ZNF385D: variants seen among roughly 807,000 people sequenced by gnomAD.
ZNF385D encodes the protein zinc finger protein 659.
In ZNF385D, 15 loss-of-function variants were observed where a neutral mutation model predicts 35.8. The observed-to-expected ratio is 0.42, with a 90% CI of 0.28 to 0.64. The LOEUF is 0.64. ZNF385D is among the 30% of genes least tolerant of loss of function. The probability of loss-of-function intolerance (pLI) is 0.23; values close to 1 mark genes in which losing one functional copy is unlikely to be tolerated. For missense variants in ZNF385D, 474 were observed against 494.6 expected, an observed-to-expected ratio of 0.96 and a Z score of 0.39; for synonymous variants, 212 against 186.8, an observed-to-expected ratio of 1.13 and a Z score of -1.10.
intron 5 of ZNF385D, among the ~76,000 whole-genome samples, chr3:21,430,159 G>T (rs1038432200): frequency 4.0e-5 from 6 of 151,702 alleles, no homozygotes; most frequent in Non-Finnish European, 8.8e-5. Context: ...AGAAAACTTT[G>T]GTTTACATTA....
At chr3:22,285,172 G>A (rs1701961483) in intron 2 of ZNF385D, among the ~76,000 whole-genome samples, 1 of 152,114 alleles carries the variant, frequency 6.6e-6, no homozygotes, top group Non-Finnish European at 1.5e-5. Flanking sequence ...AGCAAAATTA[G>A]TATTCTTAGA....
At chr3:21,654,216 T>G (rs1174576021) in intron 2 of ZNF385D, among the ~76,000 whole-genome samples, 1 of 152,082 alleles carries the variant, frequency 6.6e-6, no homozygotes, top group Non-Finnish European at 1.5e-5. Context: ...GTCCTTGAAA[T>G]AAATTTCATT....
At chr3:21,524,051 G>T (rs1168397664) in intron 3 of ZNF385D, among the ~76,000 whole-genome samples, 1 of 152,188 alleles carries the variant, frequency 6.6e-6, no homozygotes, top group African/African-American at 2.4e-5. Context: ...TGCCTTGCAG[G>T]TTTCTGCCTC....
intron 3 of ZNF385D, among the ~76,000 whole-genome samples, chr3:21,995,857 G>C (rs1695432614): frequency 6.6e-6 from 1 of 151,972 alleles, no homozygotes; most frequent in Non-Finnish European, 1.5e-5. Context: ...AGCTCTAGTG[G>C]GGATACACTT....
chr3:21,710,165 TG>T (rs1320918520), intron 1 of ZNF385D, among the ~76,000 whole-genome samples: 3 of 152,092 alleles, frequency 2.0e-5, no homozygotes, highest in African/African-American at 7.2e-5. Context: ...ATAAAAGACA[TG>T]AAGGAGTTTG....
rs2201139 is a variant in ZNF385D at position 22,250,922 on chromosome 3, A to T, written c.107-81887T>A. ...GAACTTTATTAATGAGGACTTGAGA[A>T]TCGACCAAATGTTTCAGTAGAGTGG... On this transcript the variant is annotated intron_variant, in intron 2 of 5. Coordinates refer to the ZNF385D transcript ENST00000494108. 6.4e-3 allele frequency among the ~76,000 whole-genome samples: 978 copies of T among 152,202 alleles called. 20 individuals are homozygous for T. The highest frequency in any genetic ancestry group is 0.023 in the African/African-American group (945 of 41,534).
At chr3:22,193,407 A>G (rs929746750) in intron 2 of ZNF385D, among the ~76,000 whole-genome samples, 1 of 151,612 alleles carries the variant, frequency 6.6e-6, no homozygotes, top group Non-Finnish European at 1.5e-5. Context: ...ATCCTAACCT[A>G]TTTACTCACT....
At chr3:22,086,579 G>T (rs60740587) in intron 3 of ZNF385D, among the ~76,000 whole-genome samples, 20,135 of 152,168 alleles carry the variant, frequency 0.13, 1,574 homozygotes, top group Middle Eastern at 0.24. Flanking sequence ...AACATTCCAT[G>T]CTCATAGATA....
intron 2 of ZNF385D, among the ~76,000 whole-genome samples, chr3:22,177,574 T>C (rs1694921038): frequency 6.6e-6 from 1 of 152,170 alleles, no homozygotes; most frequent in Non-Finnish European, 1.5e-5. Flanking sequence ...TAGGCTAGAC[T>C]GACTATGACT....
At chr3:22,122,300 G>C (rs909771278) in intron 3 of ZNF385D, among the ~76,000 whole-genome samples, 2 of 152,056 alleles carry the variant, frequency 1.3e-5, no homozygotes, top group South Asian at 2.1e-4. Context: ...AGTCATCAAA[G>C]GGTTTCCATT....
intron 2 of ZNF385D, among the ~76,000 whole-genome samples, chr3:22,279,682 C>T (rs1701638771): frequency 6.6e-6 from 1 of 150,998 alleles, no homozygotes; most frequent in African/African-American, 2.4e-5. Flanking sequence ...TCTTTATCCA[C>T]TCACTGATGA....
At chr3:21,956,500 T>TA (rs1702296629) in intron 3 of ZNF385D, among the ~76,000 whole-genome samples, 1 of 152,128 alleles carries the variant, frequency 6.6e-6, no homozygotes, top group South Asian at 2.1e-4. Context: ...GGGAGACAAC[T>TA]AAGAGGTAAC....
intron 3 of ZNF385D, among the ~76,000 whole-genome samples, chr3:22,018,981 A>G (rs1237328492): frequency 1.4e-5 from 2 of 139,662 alleles, no homozygotes; most frequent in Non-Finnish European, 3.0e-5. Flanking sequence ...CACCTAAAGC[A>G]TTGCTATATT....
At chr3:21,484,151 A>T (rs569714630) in intron 4 of ZNF385D, among the ~76,000 whole-genome samples, 5 of 152,332 alleles carry the variant, frequency 3.3e-5, no homozygotes, top group Admixed American at 3.3e-4. Flanking sequence ...ATGTGCTTAG[A>T]GAAAAGAGCT....
chr3:22,201,950 A>C (rs1257699535), intron 2 of ZNF385D, among the ~76,000 whole-genome samples: 4 of 152,032 alleles, frequency 2.6e-5, no homozygotes, highest in Non-Finnish European at 5.9e-5. Context: ...ATCAACAAGA[A>C]AAAATTGAGT....
intron 2 of ZNF385D, among the ~76,000 whole-genome samples, chr3:22,263,775 ATTT>A (rs1700754224): frequency 6.6e-6 from 1 of 151,988 alleles, no homozygotes. Flanking sequence ...GTTTGGATAC[ATTT>A]TTTATTGTGA....
intron 4 of ZNF385D, among the ~76,000 whole-genome samples, chr3:21,489,620 A>C (rs1705271210): frequency 6.6e-6 from 1 of 152,158 alleles, no homozygotes; most frequent in South Asian, 2.1e-4. Flanking sequence ...CAGTCATTTC[A>C]GTGAGATTTT....
intron 2 of ZNF385D, among the ~76,000 whole-genome samples, chr3:22,220,468 C>T (rs1264376052): frequency 6.6e-6 from 1 of 152,154 alleles, no homozygotes; most frequent in African/African-American, 2.4e-5. Flanking sequence ...AATATCACAG[C>T]TCGGTTTAAA....
At chr3:21,851,322 G>C (rs1696375288) in intron 3 of ZNF385D, among the ~76,000 whole-genome samples, 1 of 152,058 alleles carries the variant, frequency 6.6e-6, no homozygotes, top group Non-Finnish European at 1.5e-5. Flanking sequence ...CACATTGCTA[G>C]TAAGAGTGTG....
Sources: gnomAD v4.1 joint callset for allele counts (sites outside exome capture counted in the v4.1 genomes callset) on GRCh38, gnomAD v4.1.1 for gene constraint, MANE v1.5 for transcripts, NCBI Gene and HGNC (gene_info 2026-07-23, HGNC 2026-07-21) for gene names.